Variants in LRP6 observed in about 807,000 individuals in gnomAD.
The protein encoded by LRP6 is low-density lipoprotein receptor-related protein 6.
In LRP6, 43 loss-of-function variants were observed where a neutral mutation model predicts 184.1. That is an observed-to-expected ratio of 0.23 (90% CI 0.18 to 0.30). The LOEUF is 0.30. Among genes scored for constraint, LRP6 ranks in the 10% least tolerant of loss-of-function variants. LRP6 has a pLI of 1.00. For synonymous variants in LRP6, 719 were observed against 684.9 expected (o/e 1.05, Z -0.78); for missense variants, 1,571 against 2,005.3 (o/e 0.78, Z 4.14).
intron 12 of LRP6, among the ~76,000 whole-genome samples, chr12:12,152,153 A>T (rs897818352): frequency 2.0e-5 from 3 of 152,038 alleles, no homozygotes; most frequent in African/African-American, 7.2e-5. Flanking sequence ...AATAAGTCTC[A>T]TGAGATCTGA....
intron 22 of LRP6, among the ~76,000 whole-genome samples, chr12:12,124,227 G>A (rs1949641469): frequency 6.6e-6 from 1 of 152,158 alleles, no homozygotes; most frequent in African/African-American, 2.4e-5. Context: ...TACAAAATTA[G>A]CTGGGCGTGG....
intron 1 of LRP6, among the ~76,000 whole-genome samples, chr12:12,264,006 G>C (rs189368941): frequency 6.6e-6 from 1 of 152,060 alleles, no homozygotes; most frequent in East Asian, 1.9e-4. Context: ...TGGGGGCATA[G>C]TGGCACGTGC....
intron 1 of LRP6, among the ~76,000 whole-genome samples, chr12:12,255,095 A>G (rs189108725): frequency 7.0e-4 from 106 of 152,294 alleles, no homozygotes; most frequent in Middle Eastern, 3.4e-3. Flanking sequence ...CTCTTATTCC[A>G]TTGTCAACAG....
rs1197216666 is a variant in LRP6 at position 12,179,395 on chromosome 12, T to TATAGATATAGAC, written c.1545+414_1545+415insGTCTATATCTAT. On this transcript the variant is annotated intron_variant, in intron 7 of 22. Coordinates refer to ENST00000261349, the MANE Select transcript of LRP6 (RefSeq NM_002336.3). ...ATATAGATATAGATATAGATATAGA[T>TATAGATATAGAC]ATAGATATAGATATAGATATAGATA... Among the ~76,000 whole-genome samples the TATAGATATAGAC allele has an allele frequency of 3.4e-3, 502 of 146,222 alleles. 2 individuals carry two copies. The highest frequency in any genetic ancestry group is 0.012 in the African/African-American group (477 of 39,868).
chr12:12,264,843 G>A (rs1041573434), intron 1 of LRP6, among the ~76,000 whole-genome samples: 3 of 152,074 alleles, frequency 2.0e-5, no homozygotes, highest in South Asian at 4.1e-4. Context: ...CATTTAAAAC[G>A]AGAGCTCCAC....
intron 2 of LRP6, among the ~76,000 whole-genome samples, chr12:12,235,318 G>T (rs933356267): frequency 6.6e-6 from 1 of 152,166 alleles, no homozygotes; most frequent in Admixed American, 6.5e-5. Context: ...ACTGGAATTG[G>T]CGATAACATG....
chr12:12,257,882 G>A (rs943241753), intron 1 of LRP6, among the ~76,000 whole-genome samples: 49 of 147,608 alleles, frequency 3.3e-4, no homozygotes, highest in Non-Finnish European at 5.3e-4. Context: ...CAGGAGGATC[G>A]CCTGAGACCA....
intron 9 of LRP6, among the ~76,000 whole-genome samples, chr12:12,163,729 G>A (rs1331047265): frequency 6.6e-6 from 1 of 152,160 alleles, no homozygotes; most frequent in Non-Finnish European, 1.5e-5. Flanking sequence ...TTTTCAAATG[G>A]AAGAAAGTAG....
chr12:12,128,264 C>A (rs1365788757), intron 19 of LRP6, among the ~76,000 whole-genome samples: 1 of 152,146 alleles, frequency 6.6e-6, no homozygotes, highest in Non-Finnish European at 1.5e-5. Flanking sequence ...TTCCAAGATA[C>A]CACTCTCTTA....
chr12:12,218,289 A>G (rs939182052), intron 2 of LRP6, among the ~76,000 whole-genome samples: 1 of 152,080 alleles, frequency 6.6e-6, no homozygotes, highest in Non-Finnish European at 1.5e-5. Context: ...CCTGGGCAAC[A>G]TAACGAGAAC....
At position 12,147,351 on chromosome 12, in the gene LRP6, A is replaced by C; in HGVS notation, c.3397+15T>G. On this transcript the variant is annotated intron_variant, in intron 15 of 22. Transcript: ENST00000261349. ...AAAACTCAAATTAAAATAAGGAAAC[A>C]TATTTCTTGGGTACCTGAGAGATCA... 6.2e-7 allele frequency: 1 copy of C among 1,613,510 alleles called. No individual in the cohort carries two copies. The highest frequency in any genetic ancestry group is 1.1e-5 in the South Asian group (1 of 91,062).
intron 1 of LRP6, among the ~76,000 whole-genome samples, chr12:12,247,764 T>C (rs1865224803): frequency 6.6e-6 from 1 of 152,218 alleles, no homozygotes; most frequent in South Asian, 2.1e-4. Flanking sequence ...TGGAACCACA[T>C]ACTTGCTCCC....
intron 1 of LRP6, chr12:12,249,047 G>A: frequency 1.5e-6 from 1 of 676,870 alleles, no homozygotes; most frequent in Non-Finnish European, 2.7e-6. Context: ...ACTTTTGGAA[G>A]AACTCAAAGA....
At chr12:12,144,514 G>C (rs1421693420) in intron 15 of LRP6, among the ~76,000 whole-genome samples, 1 of 152,114 alleles carries the variant, frequency 6.6e-6, no homozygotes, top group Non-Finnish European at 1.5e-5. Flanking sequence ...GGTGGTGTGT[G>C]CCCATAGTCC....
chr12:12,194,297 AAAAC>A (rs1863695416), intron 3 of LRP6, among the ~76,000 whole-genome samples: 1 of 152,028 alleles, frequency 6.6e-6, no homozygotes. Context: ...AAAAACATAC[AAAAC>A]AAACATATAG....
At chr12:12,183,896 C>T (rs530616874) in intron 5 of LRP6, 84 bp downstream of exon 5, 1 of 1,273,142 alleles carries the variant, frequency 7.9e-7, no homozygotes, top group East Asian at 2.3e-5. Context: ...AGCAGTATAA[C>T]CTAGAGAGCT....
Position 12,244,537 on chromosome 12 carries a change from A to G in LRP6, c.174T>C (p.Phe58=), listed in dbSNP as rs1865138446. Residue 58 remains phenylalanine (F), a synonymous_variant, in exon 2 of 23, where the codon TTT becomes TTC. Coordinates refer to ENST00000261349, the MANE Select transcript of LRP6 (RefSeq NM_002336.3). ...GGLEDAAAVD[F]VFSHGLIYWS... Reference sequence around the variant, plus strand: ...AGTATATCAAGCCATGACTAAACACAAAGTCCACCGCAGCTGCATCCTCCA... The same window carrying G: ...AGTATATCAAGCCATGACTAAACACGAAGTCCACCGCAGCTGCATCCTCCA... 6.2e-7 allele frequency: 1 copy of G among 1,614,224 alleles called. No homozygotes were observed. Among genetic ancestry groups the G allele is most frequent in the South Asian group, 1.1e-5 (1 of 91,084 alleles).
At chr12:12,236,285 G>C (rs1475841244) in intron 2 of LRP6, among the ~76,000 whole-genome samples, 1 of 152,140 alleles carries the variant, frequency 6.6e-6, no homozygotes, top group African/African-American at 2.4e-5. Flanking sequence ...AAATGACTCA[G>C]GAACCAACTT....
Position 12,125,512 on chromosome 12 carries a change from T to C in LRP6, c.4313-80A>G. The C allele has an allele frequency of 4.0e-6, 5 of 1,256,162 alleles. No homozygotes were observed. In the South Asian group the frequency reaches 5.0e-5, roughly 13 times the overall value. 77.8% of individuals were successfully genotyped at this position (1,256,162 alleles called of 1,614,324 possible). A position where few individuals can be genotyped will look rare whatever the true frequency, so the allele number is the denominator to read the frequency against. Reference sequence around the variant, plus strand: ...CAAGCAATTTCATTCAACAGTAGGATTACAAATATCAACAGTGAAGTAGTC... The same window carrying C: ...CAAGCAATTTCATTCAACAGTAGGACTACAAATATCAACAGTGAAGTAGTC... On this transcript the variant is annotated intron_variant, in intron 20 of 22. Transcript: ENST00000261349.
Sources: allele counts gnomAD v4.1 joint callset (sites outside exome capture counted in the v4.1 genomes callset), GRCh38; gene constraint gnomAD v4.1.1; transcripts MANE v1.5; gene names NCBI Gene and HGNC (gene_info 2026-07-23, HGNC 2026-07-21).